Variants in EIF2B5 observed in about 807,000 individuals in gnomAD.
The protein encoded by EIF2B5 is translation initiation factor eIF2B subunit epsilon.
EIF2B5 carries 38 observed loss-of-function variants against 87.3 expected under a neutral mutation model. That is an observed-to-expected ratio of 0.44 (90% CI 0.34 to 0.57). The LOEUF is 0.57. EIF2B5 is among the 20% of genes least tolerant of loss of function. EIF2B5 has a pLI of 0.02. For missense variants in EIF2B5, 784 were observed against 909.5 expected, an observed-to-expected ratio of 0.86 and a Z score of 1.78; for synonymous variants, 313 against 339.6, an observed-to-expected ratio of 0.92 and a Z score of 0.86.
At chr3:184,139,721 A>G (rs1464011591) in intron 5 of EIF2B5, among the ~76,000 whole-genome samples, 2 of 151,482 alleles carry the variant, frequency 1.3e-5, no homozygotes, top group African/African-American at 4.8e-5. Flanking sequence ...CTCCTAGAGA[A>G]TAGTACTTAA....
rs1000246272 is a variant in EIF2B5, at chr3:184,138,897, A to C, written c.765+651A>C. On this transcript the variant is annotated intron_variant, in intron 5 of 15. Coordinates refer to ENST00000648915, the MANE Select transcript of EIF2B5 (RefSeq NM_003907.3). Reference sequence around the variant, plus strand: ...GCCTGGTCACGAACTCCTGAGCTCAAGCAATCTGACCACCTCAGCCTTCCA... The same window carrying C: ...GCCTGGTCACGAACTCCTGAGCTCACGCAATCTGACCACCTCAGCCTTCCA... 25 of 298,322 alleles carry C rather than the reference A, an allele frequency of 8.4e-5. No homozygotes were observed. In the Admixed American group the frequency reaches 8.9e-4, roughly 11 times the overall value. 18.5% of individuals were successfully genotyped at this position (298,322 alleles called of 1,614,324 possible). A position where few individuals can be genotyped will look rare whatever the true frequency, so the allele number is the denominator to read the frequency against.
In EIF2B5 at chr3:184,138,245, A is replaced by G; in HGVS notation, c.764A>G (p.Gln255Arg). 1 of 1,613,728 alleles carries G rather than the reference A, an allele frequency of 6.2e-7. No homozygotes were observed. Among genetic ancestry groups the G allele is most frequent in the Non-Finnish European group, 8.5e-7 (1 of 1,180,014 alleles). ...TGTCATATCAGCATCTGTTCTCCTC[A>G]GGTGAGCTCTTTAGGGCTGGGGCTG... ...LDCHISICSP[Q>R]VAQLFTDNFD... Residue 255 changes from glutamine (Q) to arginine (R), a missense_variant and splice_region_variant, in exon 5 of 16, where the codon CAG (glutamine) becomes CGG (arginine). Gln to Arg is a conservative substitution (Grantham distance 43, BLOSUM62 1). This residue lies in a region of EIF2B5 where 660 missense variants were observed against 789.5 expected (regional missense o/e 0.84). Coordinates refer to ENST00000648915, the MANE Select transcript of EIF2B5 (RefSeq NM_003907.3).
chr3:184,142,474 CCT>C lies in EIF2B5; in HGVS notation c.1445-23_1445-22del, dbSNP rs1440370313. 1.2e-6 allele frequency: 2 copies of C among 1,614,070 alleles called. No homozygotes were observed. The highest frequency in any genetic ancestry group is 4.5e-5 in the East Asian group (2 of 44,870). On this transcript the variant is annotated intron_variant, in intron 9 of 15. Coordinates refer to ENST00000648915, the MANE Select transcript of EIF2B5 (RefSeq NM_003907.3). The surrounding 1 kb of genome is among the most constrained non-coding windows in gnomAD (Gnocchi z 5.0). ...GGAGGGATTGGTGCTTCCGCCGGGCCCTCTCTATAGATCATTGCCTTTTCCAG... is the reference window on the plus strand; with the variant it reads ...GGAGGGATTGGTGCTTCCGCCGGGCCCTCTATAGATCATTGCCTTTTCCAG...
At position 184,145,143 on chromosome 3, in the gene EIF2B5, A is replaced by G; in HGVS notation, c.*200A>G. On this transcript the variant is annotated 3_prime_UTR_variant, in exon 16 of 16. Transcript: ENST00000648915. The surrounding 1 kb of genome is among the most constrained non-coding windows in gnomAD (Gnocchi z 4.0). ...CCTGACTGTGGAGTTGGGATGTGGAAGTGGGGCTGGAACAAAGCTTCTGCC... is the reference window on the plus strand; with the variant it reads ...CCTGACTGTGGAGTTGGGATGTGGAGGTGGGGCTGGAACAAAGCTTCTGCC... The G allele has an allele frequency of 1.5e-6, 1 of 645,590 alleles. No individual in the cohort carries two copies. Among genetic ancestry groups the G allele is most frequent in the South Asian group, 1.7e-5 (1 of 57,246 alleles). The allele number at this position is 645,590 out of a possible 1,614,324, so 40.0% of individuals were successfully genotyped here.
At chr3:184,135,886 G>A in intron 1 of EIF2B5, 1 of 459,646 alleles carries the variant, frequency 2.2e-6, no homozygotes, top group Non-Finnish European at 3.9e-6. Flanking sequence ...AGGCTGCGCC[G>A]CTTTTAACCT....
chr3:184,141,862 T>C (rs1359567939), intron 7 of EIF2B5, 63 bp from the exon 8 acceptor site: 9 of 1,605,276 alleles, frequency 5.6e-6, no homozygotes, highest in Non-Finnish European at 7.7e-6. Context: ...CTGTCCTCTA[T>C]GAAGGGCTCT....
chr3:184,138,121 T>G (rs1488890768), intron 4 of EIF2B5, 45 bp from the exon 5 acceptor site: 39 of 1,613,982 alleles, frequency 2.4e-5, no homozygotes, highest in Non-Finnish European at 3.1e-5. Flanking sequence ...GTGACAGGCT[T>G]CAGTGGGAGA....
chr3:184,144,468 A>G (rs1358770585), intron 14 of EIF2B5, 129 bp from the exon 15 acceptor site: 15 of 1,048,908 alleles, frequency 1.4e-5, no homozygotes, highest in Non-Finnish European at 2.2e-5. Context: ...CCCCAGGAGC[A>G]GAGCGAACAG....
At chr3:184,140,000 G>T (rs946213335) in intron 5 of EIF2B5, 80 bp from the exon 6 acceptor site, 2 of 1,174,744 alleles carry the variant, frequency 1.7e-6, no homozygotes, top group Non-Finnish European at 2.5e-6. Flanking sequence ...TCCAGCCTGG[G>T]CAACAGAGCT....
rs1713756627 is a variant in EIF2B5 at position 184,144,106 on chromosome 3, A to T, written c.1877A>T (p.Lys626Met). The T allele has an allele frequency of 6.2e-7, 1 of 1,614,104 alleles. No individual in the cohort carries two copies. Among genetic ancestry groups the T allele is most frequent in the South Asian group, 1.1e-5 (1 of 91,088 alleles). ...CCCTTCTTTCTTCCATAGCTGCTAAAGGCCTGGAGCCCTGTTTTTAGGAAC... is the reference window on the plus strand; with the variant it reads ...CCCTTCTTTCTTCCATAGCTGCTAATGGCCTGGAGCCCTGTTTTTAGGAAC... Reference protein sequence around the residue: ...RYCALLLPLLKAWSPVFRNYI... With the variant: ...RYCALLLPLLMAWSPVFRNYI... The change falls in exon 14 of 16, where the codon AAG (lysine) becomes ATG (methionine). Residue 626 changes from lysine (K) to methionine (M), a missense_variant. Lys to Met is a moderately conservative substitution (Grantham distance 95). Transcript: ENST00000648915.
At position 184,140,633 on chromosome 3, in the gene EIF2B5, C is replaced by T; in HGVS notation, c.1059C>T (p.Gly353=). ...GGCCTGAGGTCAGCCTGGGCCATGG[C>T]AGCATCCTAGAGGAAAATGTGCTCC... ...YRGPEVSLGH[G]SILEENVLLG... is the part of the protein sequence containing the mutation. Residue 353 remains glycine (G), a synonymous_variant, in exon 7 of 16, where the codon GGC becomes GGT. Transcript: ENST00000648915. The T allele has an allele frequency of 6.2e-7, 1 of 1,614,198 alleles. No individual in the cohort carries two copies. Among genetic ancestry groups the T allele is most frequent in the Non-Finnish European group, 8.5e-7 (1 of 1,180,040 alleles).
chr3:184,143,700 G>C, intron 13 of EIF2B5, 135 bp downstream of exon 13: 1 of 1,382,928 alleles, frequency 7.2e-7, no homozygotes, highest in Admixed American at 1.9e-5. Flanking sequence ...TTGGGCTCTA[G>C]AGCAGCCTTG....
chr3:184,141,992 C>T lies in EIF2B5; in HGVS notation c.1224C>T (p.Ile408=), dbSNP rs1713655574. 3.1e-6 allele frequency: 5 copies of T among 1,614,074 alleles called. No homozygotes were observed. The highest frequency in any genetic ancestry group is 4.2e-6 in the Non-Finnish European group (5 of 1,180,008). The part of the protein sequence containing the change: ...QGVRVAAGAQ[I]HQSLLCDNAE... ...TTCGAGTGGCGGCTGGAGCACAGAT[C>T]CATCAGTCTCTGCTTTGTGACAATG... The change falls in exon 8 of 16, where the codon ATC becomes ATT. Residue 408 remains isoleucine (I), a synonymous_variant. Coordinates refer to ENST00000648915, the MANE Select transcript of EIF2B5 (RefSeq NM_003907.3).
intron 2 of EIF2B5, 54 bp downstream of exon 2, chr3:184,136,790 C>G: frequency 6.2e-7 from 1 of 1,613,078 alleles, no homozygotes; most frequent in Non-Finnish European, 8.5e-7. Context: ...CCAGTTTTTT[C>G]AGGATGAATG....
chr3:184,137,839 A>G, intron 3 of EIF2B5, 34 bp downstream of exon 3: 3 of 1,614,200 alleles, frequency 1.9e-6, no homozygotes, highest in Non-Finnish European at 2.5e-6. Flanking sequence ...ACAAGGGTTA[A>G]AGACCAGCAG....
chr3:184,136,880 A>G, intron 2 of EIF2B5, 144 bp downstream of exon 2: 1 of 1,176,060 alleles, frequency 8.5e-7, no homozygotes, highest in Non-Finnish European at 1.2e-6. Context: ...TTCTACACTT[A>G]TCAGGAGGTG....
intron 3 of EIF2B5, 46 bp downstream of exon 3, chr3:184,137,851 G>T: frequency 6.2e-7 from 1 of 1,614,156 alleles, no homozygotes; most frequent in Non-Finnish European, 8.5e-7. Flanking sequence ...GACCAGCAGA[G>T]CCCTGAGACT....
intron 5 of EIF2B5, 74 bp downstream of exon 5, chr3:184,138,320 G>T: frequency 1.5e-6 from 2 of 1,297,080 alleles, no homozygotes; most frequent in Non-Finnish European, 1.1e-6. Context: ...CCCTTAGAAG[G>T]CCAGGGTATA....
In EIF2B5 at chr3:184,142,131, A is replaced by C; in HGVS notation, c.1302+61A>C. 1 of 1,614,044 alleles carries C rather than the reference A, an allele frequency of 6.2e-7. No individual in the cohort carries two copies. Among genetic ancestry groups the C allele is most frequent in the East Asian group, 2.2e-5 (1 of 44,878 alleles). Reference sequence around the variant, plus strand: ...TTGCATGGCAGTCACACTGAGCCAGAAGGGGCATTATTTCCACCCATAATC... The same window carrying C: ...TTGCATGGCAGTCACACTGAGCCAGCAGGGGCATTATTTCCACCCATAATC... On this transcript the variant is annotated intron_variant, in intron 8 of 15. Coordinates refer to ENST00000648915, the MANE Select transcript of EIF2B5 (RefSeq NM_003907.3). This position sits in a 1 kb window ranked among gnomAD's most constrained non-coding sequence, Gnocchi z 5.0.
Sources: gnomAD v4.1 joint callset for allele counts (sites outside exome capture counted in the v4.1 genomes callset) on GRCh38, gnomAD v4.1.1 for gene constraint, gnomAD v4.1.1 regional missense constraint, Gnocchi (gnomAD v3.1) non-coding constraint, MANE v1.5 for transcripts, NCBI Gene and HGNC (gene_info 2026-07-23, HGNC 2026-07-21) for gene names.